The following TMED6 variants were observed in gnomAD, a reference collection of about 807,000 sequenced individuals.
TMED6 encodes the protein transmembrane p24 trafficking protein 6, also known as transmembrane emp24 domain-containing protein 6.
Under a neutral mutation model 26.5 loss-of-function variants are expected in TMED6, and 17 were observed. The ratio of observed to expected loss-of-function variants is 0.64; its 90% CI spans 0.44 to 0.96. The LOEUF (loss-of-function observed/expected upper bound fraction) is 0.96, where lower values mean the gene tolerates loss of function less well. Among genes scored for constraint, TMED6 ranks in the 40% least tolerant of loss-of-function variants. TMED6 has a pLI of 0.00. For synonymous variants in TMED6, 107 were observed against 106.2 expected (o/e 1.01, Z -0.04); for missense variants, 309 against 296.5 (o/e 1.04, Z -0.31).
intron 3 of TMED6, 44 bp downstream of exon 3, chr16:69,347,744 A>G: frequency 1.2e-6 from 2 of 1,607,892 alleles, no homozygotes; most frequent in East Asian, 2.2e-5. Context: ...GAAGTTAAAA[A>G]TCAGTTTCCA....
chr16:69,344,843 C>T (rs79803199), intron 3 of TMED6, among the ~76,000 whole-genome samples: 1 of 151,550 alleles, frequency 6.6e-6, no homozygotes, highest in South Asian at 2.1e-4. Context: ...AATCTTAGCA[C>T]TTTGGGAGGC....
rs759154457 is a variant in TMED6 at position 69,343,655 on chromosome 16, A to G, written c.490-15T>C. ...TGTGTGCCGTCCTATGAGAGAGACA[A>G]TTTTAAGGGGGATTCTTCCAAACCC... On this transcript the variant is annotated splice_polypyrimidine_tract_variant and intron_variant, in intron 3 of 3. Transcript: ENST00000288025. 33 of 1,603,630 alleles carry G rather than the reference A, an allele frequency of 2.1e-5. No homozygotes were observed. Among genetic ancestry groups the G allele is most frequent in the Non-Finnish European group, 2.6e-5 (31 of 1,171,238 alleles).
intron 2 of TMED6, among the ~76,000 whole-genome samples, chr16:69,348,687 C>G (rs1410225700): frequency 6.6e-6 from 1 of 152,082 alleles, no homozygotes; most frequent in East Asian, 1.9e-4. Context: ...GCGCTCTCGG[C>G]CCACTGCAGT....
At chr16:69,350,269 C>CAA (rs532374926) in intron 1 of TMED6, among the ~76,000 whole-genome samples, 43 of 70,170 alleles carry the variant, frequency 6.1e-4, no homozygotes, top group East Asian at 2.4e-3. Flanking sequence ...AACACTCTGT[C>CAA]AAAAAAAAAA....
intron 3 of TMED6, among the ~76,000 whole-genome samples, chr16:69,346,718 T>C (rs900290158): frequency 2.0e-5 from 3 of 151,998 alleles, no homozygotes; most frequent in Admixed American, 1.3e-4. Context: ...GGTTGCGCCA[T>C]TGCACTCCAG....
rs1009778244 is a variant in TMED6 at position 69,343,294 on chromosome 16, T to G, written c.*113A>C. Reference sequence around the variant, plus strand: ...TATTGCCATTTTGCTTTTTTAGATGTGTGCAGCAGACTAAAACATTAATGA... The same window carrying G: ...TATTGCCATTTTGCTTTTTTAGATGGGTGCAGCAGACTAAAACATTAATGA... On this transcript the variant is annotated 3_prime_UTR_variant, in exon 4 of 4. Transcript: ENST00000288025. 4 of 961,722 alleles carry G rather than the reference T, an allele frequency of 4.2e-6. No homozygotes were observed. The highest frequency in any genetic ancestry group is 1.7e-5 in the African/African-American group (1 of 60,142). 59.6% of individuals were successfully genotyped at this position (961,722 alleles called of 1,614,324 possible).
At chr16:69,350,195 C>G (rs1335534301) in intron 1 of TMED6, among the ~76,000 whole-genome samples, 1 of 150,706 alleles carries the variant, frequency 6.6e-6, no homozygotes, top group Admixed American at 6.6e-5. Context: ...TTGCTTGAAC[C>G]CGGGAGGCAG....
chr16:69,343,647 G>A lies in TMED6; in HGVS notation c.490-7C>T, dbSNP rs949551106. The A allele has an allele frequency of 1.2e-6, 2 of 1,608,818 alleles. No individual in the cohort carries two copies. Among genetic ancestry groups the A allele is most frequent in the Admixed American group, 1.7e-5 (1 of 59,952 alleles). On this transcript the variant is annotated splice_region_variant and splice_polypyrimidine_tract_variant and intron_variant, in intron 3 of 3. Transcript: ENST00000288025. Reference sequence around the variant, plus strand: ...GCACCTTTTGTGTGCCGTCCTATGAGAGAGACAATTTTAAGGGGGATTCTT... The same window carrying A: ...GCACCTTTTGTGTGCCGTCCTATGAAAGAGACAATTTTAAGGGGGATTCTT...
intron 3 of TMED6, among the ~76,000 whole-genome samples, chr16:69,345,152 C>A (rs756479438): frequency 5.3e-5 from 8 of 152,058 alleles, no homozygotes; most frequent in Non-Finnish European, 8.8e-5. Context: ...TGGCACACGC[C>A]TGTAGTCCCA....
chr16:69,347,630 G>C (rs2012706284), intron 3 of TMED6, among the ~76,000 whole-genome samples, 158 bp downstream of exon 3: 1 of 152,166 alleles, frequency 6.6e-6, no homozygotes, highest in African/African-American at 2.4e-5. Flanking sequence ...AAAGTGCTGG[G>C]ATTACAGGCG....
chr16:69,348,199 T>C, intron 2 of TMED6: 1 of 303,618 alleles, frequency 3.3e-6, no homozygotes, highest in Non-Finnish European at 6.2e-6. Flanking sequence ...CTCTTTAACA[T>C]ATAATTCCCA....
chr16:69,346,477 G>C (rs1241826887), intron 3 of TMED6, among the ~76,000 whole-genome samples: 2 of 152,186 alleles, frequency 1.3e-5, no homozygotes, highest in African/African-American at 2.4e-5. Context: ...AAAGAAGCCA[G>C]TCTTGGCTGG....
chr16:69,345,387 TAA>T (rs2012667470), intron 3 of TMED6, among the ~76,000 whole-genome samples: 1 of 151,314 alleles, frequency 6.6e-6, no homozygotes, highest in African/African-American at 2.4e-5. Flanking sequence ...AATTCAACAA[TAA>T]AAAGACAATT....
rs186158103 is a variant in TMED6, at chr16:69,344,893, A to C, written c.490-1253T>G. Among the ~76,000 whole-genome samples the C allele has an allele frequency of 4.0e-3, 605 of 151,650 alleles. 7 individuals are homozygous for C. The highest frequency in any genetic ancestry group is 0.013 in the African/African-American group (534 of 41,316). ...CACCTGAAGTCAGGAGTTCAAGACC[A>C]GCCTGGCCAACATAGTGATACCCCA... is the stretch of plus-strand genomic sequence containing the variant. On this transcript the variant is annotated intron_variant, in intron 3 of 3. Coordinates refer to ENST00000288025, the MANE Select transcript of TMED6 (RefSeq NM_144676.4).
chr16:69,351,537 A>G lies in TMED6; in HGVS notation c.213+4T>C. On this transcript the variant is annotated splice_donor_region_variant and intron_variant, in intron 1 of 3. Coordinates refer to ENST00000288025, the MANE Select transcript of TMED6 (RefSeq NM_144676.4). Reference sequence around the variant, plus strand: ...CCCCCCAGTATGGCCAGTCACCCACATACCTCGTAACTGAAATAGAAGTAT... The same window carrying G: ...CCCCCCAGTATGGCCAGTCACCCACGTACCTCGTAACTGAAATAGAAGTAT... The G allele has an allele frequency of 6.2e-7, 1 of 1,613,932 alleles. No homozygotes were observed. Among genetic ancestry groups the G allele is most frequent in the Non-Finnish European group, 8.5e-7 (1 of 1,179,890 alleles).
rs1398118495 is a variant in TMED6 at position 69,351,777 on chromosome 16, C to T, written c.-24G>A. 6.2e-7 allele frequency: 1 copy of T among 1,606,928 alleles called. No individual in the cohort carries two copies. The highest frequency in any genetic ancestry group is 1.1e-5 in the South Asian group (1 of 90,958). On this transcript the variant is annotated 5_prime_UTR_variant, in exon 1 of 4. Transcript: ENST00000288025. ...ATGCCGCTTTCTGGAGCCTCCTCTGCAGGTGAACTGCTCGCAGCCCAGGGA... is the reference window on the plus strand; with the variant it reads ...ATGCCGCTTTCTGGAGCCTCCTCTGTAGGTGAACTGCTCGCAGCCCAGGGA...
At chr16:69,349,208 T>G (rs1471474693) in intron 2 of TMED6, among the ~76,000 whole-genome samples, 1 of 152,254 alleles carries the variant, frequency 6.6e-6, no homozygotes, top group Non-Finnish European at 1.5e-5. Context: ...ATCCATTTGT[T>G]AATTGGAATT....
intron 3 of TMED6, 70 bp downstream of exon 3, chr16:69,347,718 A>T: frequency 6.3e-7 from 1 of 1,589,102 alleles, no homozygotes; most frequent in Non-Finnish European, 8.6e-7. Flanking sequence ...TACCTAAATG[A>T]AGTCATCTTC....
At chr16:69,351,146 C>T (rs955286388) in intron 1 of TMED6, among the ~76,000 whole-genome samples, 2 of 152,178 alleles carry the variant, frequency 1.3e-5, no homozygotes, top group Non-Finnish European at 2.9e-5. Context: ...CTCCCCCACC[C>T]CATAAGCTGA....
Sources: allele counts gnomAD v4.1 joint callset (sites outside exome capture counted in the v4.1 genomes callset), GRCh38; gene constraint gnomAD v4.1.1; transcripts MANE v1.5; gene names NCBI Gene and HGNC (gene_info 2026-07-23, HGNC 2026-07-21).